The following TPTE2 variants were observed in gnomAD, a reference collection of about 807,000 sequenced individuals.
TPTE2 encodes the protein phosphatidylinositol 3,4,5-trisphosphate 3-phosphatase TPTE2.
In TPTE2, 53 loss-of-function variants were observed where a neutral mutation model predicts 78.6. The observed-to-expected ratio is 0.67, with a 90% CI of 0.54 to 0.85. TPTE2 has a LOEUF of 0.85. Ranked by LOEUF, TPTE2 falls within the 40% of genes least tolerant of loss-of-function variation. The probability of loss-of-function intolerance (pLI) is 0.00; values close to 1 mark genes in which losing one functional copy is unlikely to be tolerated. For missense variants in TPTE2, 461 were observed against 623.0 expected, an observed-to-expected ratio of 0.74 and a Z score of 2.77; for synonymous variants, 175 against 206.2, an observed-to-expected ratio of 0.85 and a Z score of 1.30.
At chr13:19,457,019 A>G (rs1878579262) in intron 10 of TPTE2, among the ~76,000 whole-genome samples, 1 of 152,222 alleles carries the variant, frequency 6.6e-6, no homozygotes, top group Non-Finnish European at 1.5e-5. Context: ...ACAGACCTAT[A>G]CGTATATGTT....
chr13:19,497,742 C>G (rs1259625540), intron 1 of TPTE2, among the ~76,000 whole-genome samples: 2 of 151,552 alleles, frequency 1.3e-5, no homozygotes, highest in South Asian at 2.1e-4. Flanking sequence ...AAGCAGAGCG[C>G]CTCTCCTCCT....
At chr13:19,504,283 T>C (rs1253300485), upstream of TPTE2, among the ~76,000 whole-genome samples, 1 of 152,252 alleles carries the variant, frequency 6.6e-6, no homozygotes, top group South Asian at 2.1e-4. Flanking sequence ...GCAGTTTCTA[T>C]GTACAAATCC....
rs182825814 is a variant in TPTE2 at position 19,509,417 on chromosome 13, C to T, written c.-43-6140G>A. Among the ~76,000 whole-genome samples, 4 of 152,188 alleles carry T rather than the reference C, an allele frequency of 2.6e-5. No homozygotes were observed. In the East Asian group the frequency reaches 7.7e-4, roughly 29 times the overall value. On this transcript the variant is annotated intron_variant, in intron 1 of 17. Coordinates refer to the TPTE2 transcript ENST00000390680. The stretch of plus-strand genomic sequence containing the variant: ...AACAAACAGAGTGAATATCCAAATA[C>T]AATGTACAAGAAGGGAGCATAACTA...
intron 3 of TPTE2, among the ~76,000 whole-genome samples, chr13:19,485,889 C>T (rs912491357): frequency 2.0e-5 from 3 of 152,152 alleles, no homozygotes; most frequent in Admixed American, 1.3e-4. Flanking sequence ...TTTATGATAT[C>T]TGTATCTTTA....
upstream of TPTE2, among the ~76,000 whole-genome samples, chr13:19,537,819 G>C (rs1244217144): frequency 6.6e-6 from 1 of 151,554 alleles, no homozygotes; most frequent in Non-Finnish European, 1.5e-5. Context: ...TGGCCAGGCT[G>C]GTCTCAAACT....
intron 1 of TPTE2, among the ~76,000 whole-genome samples, chr13:19,514,589 G>C (rs1869663945): frequency 7.5e-6 from 1 of 133,938 alleles, no homozygotes; most frequent in Non-Finnish European, 1.5e-5. Flanking sequence ...CAGTACTTCT[G>C]AGAGTGTGTG....
the TPTE2 span, among the ~76,000 whole-genome samples, chr13:19,542,716 C>T: frequency 6.6e-6 from 1 of 152,066 alleles, no homozygotes; most frequent in African/African-American, 2.4e-5. Context: ...TCATGTAGGC[C>T]AGGCATGGTG....
chr13:19,509,387 T>C (rs1869281341), intron 1 of TPTE2, among the ~76,000 whole-genome samples: 2 of 151,966 alleles, frequency 1.3e-5, no homozygotes, highest in Non-Finnish European at 2.9e-5. Context: ...GCAATAATAA[T>C]CAAGAACAAA....
chr13:19,441,167 C>A (rs1304212621), intron 13 of TPTE2, among the ~76,000 whole-genome samples: 1 of 151,490 alleles, frequency 6.6e-6, no homozygotes, highest in African/African-American at 2.4e-5. Flanking sequence ...AATACAGGAA[C>A]AAAAAACCAA....
chr13:19,514,592 A>AGAGTGTGTGTGTGTGTGT (rs542178212), intron 1 of TPTE2, among the ~76,000 whole-genome samples: 5 of 126,822 alleles, frequency 3.9e-5, no homozygotes, highest in East Asian at 2.7e-4. Context: ...TACTTCTGAG[A>AGAGTGTGTGTGTGTGTGT]GTGTGTGTGT....
intron 5 of TPTE2, among the ~76,000 whole-genome samples, chr13:19,474,776 C>T (rs973481565): frequency 1.3e-5 from 2 of 152,122 alleles, no homozygotes; most frequent in Non-Finnish European, 2.9e-5. Context: ...AGCTCAAATT[C>T]AAATATTATT....
At chr13:19,430,341 T>C (rs1876468905) in intron 17 of TPTE2, 127 bp downstream of exon 20, 4 of 717,090 alleles carry the variant, frequency 5.6e-6, no homozygotes, top group Non-Finnish European at 9.3e-6. Flanking sequence ...CCAAGTTGTA[T>C]GGTAACCAGA....
intron 1 of TPTE2, among the ~76,000 whole-genome samples, chr13:19,496,207 G>A (rs1881301750): frequency 1.3e-5 from 2 of 152,134 alleles, no homozygotes; most frequent in Non-Finnish European, 2.9e-5. Context: ...TACCCTTACA[G>A]AAGTCATGTG....
intron 17 of TPTE2, among the ~76,000 whole-genome samples, chr13:19,429,431 T>C (rs978994454): frequency 2.0e-5 from 3 of 152,220 alleles, no homozygotes; most frequent in Admixed American, 2.0e-4. Flanking sequence ...CTGGTGCCAT[T>C]TGCAGAGGCA....
chr13:19,450,128 C>G (rs1878080974), exon 13 of TPTE2: 1 of 1,611,270 alleles, frequency 6.2e-7, no homozygotes, highest in Admixed American at 1.7e-5. Context: ...CTTGAGCCAT[C>G]CACTCATTTA....
At chr13:19,542,088 G>C in the TPTE2 span, among the ~76,000 whole-genome samples, 1 of 152,152 alleles carries the variant, frequency 6.6e-6, no homozygotes, top group Non-Finnish European at 1.5e-5. Flanking sequence ...TTGTTGCCAT[G>C]AAATTGTTCA....
intron 1 of TPTE2, among the ~76,000 whole-genome samples, chr13:19,521,749 A>G (rs1870164584): frequency 6.6e-6 from 1 of 152,120 alleles, no homozygotes; most frequent in Non-Finnish European, 1.5e-5. Context: ...ACAACAGTAT[A>G]CATAAACTTT....
chr13:19,523,151 C>T (rs1383626330), intron 1 of TPTE2, among the ~76,000 whole-genome samples: 5 of 152,068 alleles, frequency 3.3e-5, no homozygotes, highest in African/African-American at 7.2e-5. Context: ...TTGAATGAGT[C>T]CCAACCCCAT....
intron 1 of TPTE2, among the ~76,000 whole-genome samples, chr13:19,528,082 A>C (rs981664194): frequency 1.3e-5 from 2 of 152,110 alleles, no homozygotes; most frequent in African/African-American, 4.8e-5. Context: ...CTCTGGCACT[A>C]TCTAAAGTAC....
Sources: gnomAD v4.1 joint callset for allele counts (sites outside exome capture counted in the v4.1 genomes callset) on GRCh38, gnomAD v4.1.1 for gene constraint, MANE v1.5 for transcripts, NCBI Gene and HGNC (gene_info 2026-07-23, HGNC 2026-07-21) for gene names.